NLRP9: variants seen among roughly 807,000 people sequenced by gnomAD.
NLRP9 encodes the protein NLR family pyrin domain containing 9, also known as NACHT, LRR and PYD domains-containing protein 9.
A neutral mutation model predicts 83.1 loss-of-function variants in NLRP9; 88 were observed. The observed-to-expected ratio is 1.06, with a 90% CI of 0.89 to 1.26. The LOEUF (loss-of-function observed/expected upper bound fraction) is 1.26. Among genes scored for constraint, NLRP9 ranks in the 50% most tolerant of loss-of-function variants. NLRP9 has a pLI of 0.00. For missense variants in NLRP9, 1,308 were observed against 1,179.3 expected (o/e 1.11, Z -1.60); for synonymous variants, 521 against 447.6 (o/e 1.16, Z -2.07).
At position 55,716,912 on chromosome 19, in the gene NLRP9, A is replaced by G; in HGVS notation, c.2160-14T>C. 1.2e-6 allele frequency: 2 copies of G among 1,611,762 alleles called. No homozygotes were observed. Among genetic ancestry groups the G allele is most frequent in the East Asian group, 4.5e-5 (2 of 44,840 alleles). On this transcript the variant is annotated splice_polypyrimidine_tract_variant and intron_variant, in intron 4 of 8. Coordinates refer to ENST00000332836, the MANE Select transcript of NLRP9 (RefSeq NM_176820.4). The stretch of plus-strand genomic sequence containing the variant: ...CACTTTCCCAGTCTACATGTGAAAC[A>G]CACACCATGAGACGGACCAAAGCTT...
intron 8 of NLRP9, among the ~76,000 whole-genome samples, chr19:55,710,678 C>T (rs186349675): frequency 6.6e-6 from 1 of 152,304 alleles, no homozygotes; most frequent in African/African-American, 2.4e-5. Context: ...CCTATTTCTG[C>T]TTCACATTCC....
In NLRP9 at chr19:55,733,919, A is replaced by ATTTTTTTTTTTT. The variant is rs765779528; in HGVS notation, c.281-381_281-370dup. Among the ~76,000 whole-genome samples the ATTTTTTTTTTTT allele has an allele frequency of 3.2e-3, 376 of 117,834 alleles. 34 individuals carry two copies. The highest frequency in any genetic ancestry group is 0.012 in the African/African-American group (342 of 27,880). 77.3% of individuals were successfully genotyped at this position (117,834 alleles called of 152,430 possible). ...ATAAACTCAACCAGTTGTCAACCAA[A>ATTTTTTTTTTTT]TTTTTTTTTTTTTTTTTTTTTGAGA... On this transcript the variant is annotated intron_variant, in intron 1 of 8. Transcript: ENST00000332836.
At chr19:55,734,363 CAAAAAAAAAAAAAA>C (rs59545375) in intron 1 of NLRP9, among the ~76,000 whole-genome samples, 1 of 76,696 alleles carries the variant, frequency 1.3e-5, no homozygotes, top group Non-Finnish European at 2.4e-5. Flanking sequence ...CACTCTATCT[CAAAAAAAAAAAAAA>C]AAAAAAAAAA....
chr19:55,736,726 C>T (rs1041229263), intron 1 of NLRP9, among the ~76,000 whole-genome samples: 8 of 151,646 alleles, frequency 5.3e-5, no homozygotes, highest in Non-Finnish European at 1.0e-4. Flanking sequence ...CCCAGCTACT[C>T]GGGAAGCTGA....
In NLRP9 at chr19:55,718,379, G is replaced by C. The variant is rs575257613; in HGVS notation, c.2160-1481C>G. On this transcript the variant is annotated intron_variant, in intron 4 of 8. Coordinates refer to ENST00000332836, the MANE Select transcript of NLRP9 (RefSeq NM_176820.4). ...TCTTTGCAGTTGAGATAAGAGGAAG[G>C]CTTCTGTCTCCTGCTGGTCCCTGGG... Among the ~76,000 whole-genome samples the C allele has an allele frequency of 4.4e-4, 67 of 152,304 alleles. 1 individual carries two copies. The highest frequency in any genetic ancestry group is 1.4e-3 in the African/African-American group (60 of 41,572).
chr19:55,712,327 A>G lies in NLRP9; in HGVS notation c.2672+93T>C, dbSNP rs570226143. On this transcript the variant is annotated intron_variant, in intron 7 of 8. Transcript: ENST00000332836. ...GATCGTCCCAGAGGGACTTGCTTTTAAACCTGCCTCCCTTCCATTCTATTG... is the reference window on the plus strand; with the variant it reads ...GATCGTCCCAGAGGGACTTGCTTTTGAACCTGCCTCCCTTCCATTCTATTG... 46 of 1,130,586 alleles carry G rather than the reference A, an allele frequency of 4.1e-5. No homozygotes were observed. The South Asian group carries it at 6.3e-4, about 16-fold the overall frequency. 70.0% of individuals were successfully genotyped at this position (1,130,586 alleles called of 1,614,324 possible).
intron 4 of NLRP9, among the ~76,000 whole-genome samples, chr19:55,718,559 T>C (rs574588806): frequency 6.6e-6 from 1 of 152,286 alleles, no homozygotes; most frequent in East Asian, 1.9e-4. Flanking sequence ...GAAACATAAA[T>C]CTAGCCTACG....
At chr19:55,727,983 A>G (rs1440909787) in intron 3 of NLRP9, among the ~76,000 whole-genome samples, 2 of 152,212 alleles carry the variant, frequency 1.3e-5, no homozygotes, top group East Asian at 3.8e-4. Context: ...AAAACCAGAC[A>G]GAAGCTTCCA....
chr19:55,736,076 GT>G (rs753852107), intron 1 of NLRP9, among the ~76,000 whole-genome samples: 4 of 149,660 alleles, frequency 2.7e-5, no homozygotes, highest in Non-Finnish European at 4.4e-5. Context: ...GACCTCCAAG[GT>G]TTTTTTTTGA....
chr19:55,726,091 G>A (rs1168817910), intron 3 of NLRP9, among the ~76,000 whole-genome samples: 1 of 151,702 alleles, frequency 6.6e-6, no homozygotes, highest in Non-Finnish European at 1.5e-5. Flanking sequence ...TAAGCGGGAG[G>A]TGGTGGCAAA....
intron 6 of NLRP9, among the ~76,000 whole-genome samples, chr19:55,713,320 G>A (rs1199481379): frequency 6.6e-6 from 1 of 151,746 alleles, no homozygotes; most frequent in Non-Finnish European, 1.5e-5. Flanking sequence ...GTAGATAGAG[G>A]ACAGAGGATA....
In NLRP9 at chr19:55,709,020, T is replaced by C. The variant is rs1290614136; in HGVS notation, c.2868A>G (p.Glu956=). 1.3e-6 allele frequency: 2 copies of C among 1,579,694 alleles called. No individual in the cohort carries two copies. The highest frequency in any genetic ancestry group is 2.0e-5 in the Admixed American group (1 of 50,956). Residue 956 remains glutamate (E), a synonymous_variant, in exon 9 of 9, where the codon GAA becomes GAG. Transcript: ENST00000332836. ...CAGACATCAGGATCTTCTGAGTTTC[T>C]TCATCAAAGCCAGATTTGTGCAGCC... ...MLGLHKSGFD[E]ETQKILMSVE... is the part of the protein sequence containing the mutation.
At chr19:55,721,976 C>A (rs1174965475) in intron 4 of NLRP9, among the ~76,000 whole-genome samples, 1 of 152,184 alleles carries the variant, frequency 6.6e-6, no homozygotes, top group South Asian at 2.1e-4. Flanking sequence ...GTATGTCTAT[C>A]AGCAGTGTGA....
At position 55,718,238 on chromosome 19, in the gene NLRP9, T is replaced by C. The variant is rs558902878; in HGVS notation, c.2160-1340A>G. Among the ~76,000 whole-genome samples, 16 of 152,180 alleles carry C rather than the reference T, an allele frequency of 1.1e-4. No individual in the cohort carries two copies. The East Asian group carries it at 2.7e-3, about 26-fold the overall frequency. ...GAAAGCCTGGGTATTGTCCAAGGTT[T>C]CCCCCACTGAGACAGCCTGAGATAT... On this transcript the variant is annotated intron_variant, in intron 4 of 8. Transcript: ENST00000332836.
intron 4 of NLRP9, among the ~76,000 whole-genome samples, chr19:55,719,391 G>T: frequency 6.6e-6 from 1 of 152,164 alleles, no homozygotes; most frequent in South Asian, 2.1e-4. Flanking sequence ...GAGCTCAAGT[G>T]ATCTGCCCGC....
chr19:55,729,698 A>G, intron 3 of NLRP9, 133 bp downstream of exon 3: 1 of 683,870 alleles, frequency 1.5e-6, no homozygotes, highest in Non-Finnish European at 2.5e-6. Context: ...ATAAACATAC[A>G]TGTACATGTC....
At chr19:55,719,626 G>A (rs76832747) in intron 4 of NLRP9, among the ~76,000 whole-genome samples, 2,484 of 152,214 alleles carry the variant, frequency 0.016, 28 homozygotes, top group Admixed American at 0.02. Context: ...CTTCTGTGCC[G>A]CATAGAAAGC....
rs1568603786 is a variant in NLRP9 at position 55,732,637 on chromosome 19, C to T, written c.1194G>A (p.Leu398=). 1 of 1,614,198 alleles carries T rather than the reference C, an allele frequency of 6.2e-7. No individual in the cohort carries two copies. Among genetic ancestry groups the T allele is most frequent in the Admixed American group, 1.7e-5 (1 of 60,018 alleles). ...TATATGTCCAAATTCCCTCTGCAGC[C>T]AAAGCACACAGGCTTTTTAGTCGGG... is the stretch of plus-strand genomic sequence containing the variant. ...NRARLKSLCA[L]AAEGIWTYTF... is the part of the protein sequence containing the mutation. Residue 398 remains leucine, a synonymous_variant, in exon 2 of 9, where the codon TTG becomes TTA. Coordinates refer to ENST00000332836, the MANE Select transcript of NLRP9 (RefSeq NM_176820.4).
intron 3 of NLRP9, among the ~76,000 whole-genome samples, chr19:55,728,890 A>G (rs904771477): frequency 2.4e-4 from 36 of 152,316 alleles, no homozygotes; most frequent in Middle Eastern, 3.4e-3. Context: ...CAAGATAAGT[A>G]AAATATCAGG....
Sources: allele counts gnomAD v4.1 joint callset (sites outside exome capture counted in the v4.1 genomes callset), GRCh38; gene constraint gnomAD v4.1.1; transcripts MANE v1.5; gene names NCBI Gene and HGNC (gene_info 2026-07-23, HGNC 2026-07-21).